Variants in LIMCH1 observed in about 807,000 individuals in gnomAD.
LIMCH1 encodes LIM and calponin homology domains 1, also known as LIM and calponin homology domains-containing protein 1.
Under a neutral mutation model 176.5 loss-of-function variants are expected in LIMCH1, and 113 were observed. That is an observed-to-expected ratio of 0.64 (90% CI 0.55 to 0.75). The LOEUF is 0.75. Among genes scored for constraint, LIMCH1 ranks in the 30% least tolerant of loss-of-function variants. The pLI is 0.00. For synonymous variants in LIMCH1, 619 were observed against 645.9 expected, an observed-to-expected ratio of 0.96 and a Z score of 0.63; for missense variants, 1,674 against 1,814.9, an observed-to-expected ratio of 0.92 and a Z score of 1.41.
At chr4:41,439,760 C>T (rs902997031) in intron 1 of LIMCH1, among the ~76,000 whole-genome samples, 4 of 151,880 alleles carry the variant, frequency 2.6e-5, no homozygotes, top group Non-Finnish European at 4.4e-5. Context: ...AAAAATGAGG[C>T]GGGCATGGTA....
chr4:41,526,261 C>CTTT (rs11384675), intron 3 of LIMCH1, among the ~76,000 whole-genome samples: 122 of 131,012 alleles, frequency 9.3e-4, no homozygotes, highest in East Asian at 3.1e-3. Flanking sequence ...CTTGCTATCG[C>CTTT]TTTTTTTTTT....
At chr4:41,580,789 G>A (rs914780864) in intron 1 of LIMCH1, among the ~76,000 whole-genome samples, 1 of 152,118 alleles carries the variant, frequency 6.6e-6, no homozygotes, top group African/African-American at 2.4e-5. Flanking sequence ...GGGAAAATAA[G>A]ATAGCAAAAG....
chr4:41,475,604 C>G (rs897870871), intron 1 of LIMCH1, among the ~76,000 whole-genome samples: 5 of 152,046 alleles, frequency 3.3e-5, no homozygotes, highest in African/African-American at 1.2e-4. Context: ...TTAGAACACC[C>G]TTAGTCCTAG....
rs1184785655 is a variant in LIMCH1 at position 41,495,696 on chromosome 4, G to A, written c.167+1090G>A. ...TTTTTCTAAAATCATAATAAAAAAT[G>A]TATAACTCTATTTTGTAGGCTTTTT... On this transcript the variant is annotated intron_variant, in intron 2 of 26. Coordinates refer to the LIMCH1 transcript ENST00000313860. 3.3e-5 allele frequency among the ~76,000 whole-genome samples: 5 copies of A among 152,192 alleles called. No individual in the cohort carries two copies. The Middle Eastern group carries it at 0.014, about 414-fold the overall frequency.
intron 14 of LIMCH1, among the ~76,000 whole-genome samples, chr4:41,642,568 T>G (rs12511338): frequency 0.43 from 65,509 of 151,358 alleles, 14,424 homozygotes; most frequent in African/African-American, 0.48. Context: ...TATTTTATTT[T>G]ATTTTTTTGA....
At chr4:41,463,209 A>G (rs77525786) in intron 1 of LIMCH1, among the ~76,000 whole-genome samples, 7,440 of 152,120 alleles carry the variant, frequency 0.049, 237 homozygotes, top group African/African-American at 0.086. Flanking sequence ...AAGGTCCTGA[A>G]GAACTTGGGC....
intron 1 of LIMCH1, among the ~76,000 whole-genome samples, chr4:41,379,184 G>A (rs1482035750): frequency 6.6e-6 from 1 of 152,186 alleles, no homozygotes; most frequent in African/African-American, 2.4e-5. Flanking sequence ...CAAACAAGAT[G>A]TTGGCTGGGC....
At chr4:41,501,210 G>A (rs985411158) in intron 2 of LIMCH1, among the ~76,000 whole-genome samples, 1 of 152,164 alleles carries the variant, frequency 6.6e-6, no homozygotes, top group African/African-American at 2.4e-5. Context: ...TTTTAAGTTA[G>A]TTATAGTAAA....
intron 21 of LIMCH1, among the ~76,000 whole-genome samples, chr4:41,668,661 A>G (rs1380894635): frequency 3.3e-5 from 5 of 152,256 alleles, no homozygotes; most frequent in Non-Finnish European, 2.9e-5. Context: ...TCTTTAAGAT[A>G]GAATTGTATT....
At chr4:41,487,866 A>G (rs984536132) in intron 1 of LIMCH1, among the ~76,000 whole-genome samples, 5 of 149,914 alleles carry the variant, frequency 3.3e-5, no homozygotes, top group South Asian at 4.2e-4. Flanking sequence ...GTTAGCCAGG[A>G]TGGTCTCAAT....
rs141393106 is a variant in LIMCH1, at chr4:41,650,398, C to T, written c.2826C>T (p.Asp942=). 0.021 allele frequency: 33,893 copies of T among 1,612,898 alleles called. 425 individuals carry two copies. Among genetic ancestry groups the T allele is most frequent in the East Asian group, 0.024 (1,065 of 44,858 alleles). The change falls in exon 18 of 32, where the codon GAC becomes GAT. Residue 942 remains aspartate, a synonymous_variant. Transcript: ENST00000503057. ...SQDVLKTFKV[D]GKVSVNGETV... ...GTTCATTCTGGCTTTTATAGGTAGACGGGAAAGTCAGTGTGAATGGAGAGA... is the reference window on the plus strand; with the variant it reads ...GTTCATTCTGGCTTTTATAGGTAGATGGGAAAGTCAGTGTGAATGGAGAGA...
intron 25 of LIMCH1, among the ~76,000 whole-genome samples, chr4:41,681,952 T>C (rs1716316000): frequency 6.6e-6 from 1 of 152,150 alleles, no homozygotes; most frequent in Admixed American, 6.5e-5. Context: ...GCCTCCACAT[T>C]CCCCAAATAA....
At chr4:41,404,560 T>C (rs2058770837) in intron 1 of LIMCH1, among the ~76,000 whole-genome samples, 1 of 152,048 alleles carries the variant, frequency 6.6e-6, no homozygotes, top group South Asian at 2.1e-4. Flanking sequence ...GGTGGATCAC[T>C]TGAGGTCAGA....
chr4:41,474,416 G>T (rs1039541409), intron 1 of LIMCH1, among the ~76,000 whole-genome samples: 3 of 151,328 alleles, frequency 2.0e-5, no homozygotes, highest in Admixed American at 6.6e-5. Flanking sequence ...GAACCCAGGA[G>T]GTGGAGGTTG....
intron 1 of LIMCH1, among the ~76,000 whole-genome samples, chr4:41,399,559 G>A (rs2058152527): frequency 6.6e-6 from 1 of 152,060 alleles, no homozygotes; most frequent in Non-Finnish European, 1.5e-5. Flanking sequence ...GTAATATAAT[G>A]TAATAAAAAT....
chr4:41,403,149 T>A (rs16853192), intron 1 of LIMCH1, among the ~76,000 whole-genome samples: 1 of 151,798 alleles, frequency 6.6e-6, no homozygotes, highest in South Asian at 2.1e-4. Flanking sequence ...AACAGACTAA[T>A]GCTGTAAAAG....
At chr4:41,502,877 T>C (rs889286433) in intron 2 of LIMCH1, among the ~76,000 whole-genome samples, 14 of 151,508 alleles carry the variant, frequency 9.2e-5, no homozygotes, top group Non-Finnish European at 1.8e-4. Context: ...TGGGATGTGA[T>C]TGGTTTATGT....
intron 1 of LIMCH1, among the ~76,000 whole-genome samples, chr4:41,592,559 G>A (rs1436117868): frequency 2.0e-5 from 3 of 151,972 alleles, no homozygotes; most frequent in African/African-American, 2.4e-5. Flanking sequence ...CTTCATCATC[G>A]CATCTTCCAT....
intron 31 of LIMCH1, 83 bp from the exon 32 acceptor site, chr4:41,697,077 T>G: frequency 7.1e-7 from 1 of 1,409,520 alleles, no homozygotes; most frequent in South Asian, 1.2e-5. Flanking sequence ...TAAAGGCAGT[T>G]GCTCATTAGG....
Sources: gnomAD v4.1 joint callset for allele counts (sites outside exome capture counted in the v4.1 genomes callset) on GRCh38, gnomAD v4.1.1 for gene constraint, MANE v1.5 for transcripts, NCBI Gene and HGNC (gene_info 2026-07-23, HGNC 2026-07-21) for gene names.